The following KDM3B variants were observed in gnomAD, a reference collection of about 807,000 sequenced individuals.
The protein encoded by KDM3B is lysine demethylase 3B.
KDM3B carries 10 observed loss-of-function variants against 170.0 expected under a neutral mutation model. The ratio of observed to expected loss-of-function variants is 0.06; its 90% CI spans 0.04 to 0.10. KDM3B has a LOEUF of 0.10. Among genes scored for constraint, KDM3B ranks in the 10% least tolerant of loss-of-function variants. The pLI is 1.00. For missense variants in KDM3B, 1,394 were observed against 2,195.2 expected, an observed-to-expected ratio of 0.64 and a Z score of 7.29; for synonymous variants, 831 against 834.8, an observed-to-expected ratio of 1.00 and a Z score of 0.08.
chr5:138,380,544 T>TGTAGTG (rs1347466006), intron 5 of KDM3B, among the ~76,000 whole-genome samples: 2 of 152,030 alleles, frequency 1.3e-5, no homozygotes, highest in East Asian at 3.9e-4. Context: ...GGATATATCA[T>TGTAGTG]GACTAATCTA....
chr5:138,433,182 G>T (rs1004359257), intron 23 of KDM3B, among the ~76,000 whole-genome samples: 2 of 151,074 alleles, frequency 1.3e-5, no homozygotes, highest in African/African-American at 4.9e-5. Context: ...CATGATCTCG[G>T]CTCACTGCAA....
chr5:138,392,216 G>A lies in KDM3B; in HGVS notation c.2584G>A (p.Gly862Arg), dbSNP rs1762452792. The A allele has an allele frequency of 6.6e-7, 1 of 1,506,856 alleles. No homozygotes were observed. Among genetic ancestry groups the A allele is most frequent in the Non-Finnish European group, 8.9e-7 (1 of 1,126,276 alleles). The allele number at this position is 1,506,856 out of a possible 1,614,324, so 93.3% of individuals were successfully genotyped here. A position where few individuals can be genotyped will look rare whatever the true frequency, so the allele number is the denominator to read the frequency against. ...TGAGCTGTTGCTGGGCAAAAGCAAA[G>A]GGAAGCAGGCCCCCAAGGGCCGGCC... is the stretch of plus-strand genomic sequence containing the variant. Reference protein sequence around the residue: ...SAELLLGKSKGKQAPKGRPRT... With the variant: ...SAELLLGKSKRKQAPKGRPRT... The change falls in exon 8 of 24, where the codon GGG (glycine) becomes AGG (arginine). Residue 862 changes from glycine (G) to arginine (R), a missense_variant. Gly to Arg is a moderately radical substitution (Grantham distance 125). Transcript: ENST00000314358.
At chr5:138,376,666 T>A (rs1170048171) in intron 3 of KDM3B, among the ~76,000 whole-genome samples, 1 of 148,300 alleles carries the variant, frequency 6.7e-6, no homozygotes, top group African/African-American at 2.5e-5. Flanking sequence ...ATCGTGCCAC[T>A]GCACTCCAGC....
At chr5:138,376,167 G>C (rs1047669730) in intron 3 of KDM3B, among the ~76,000 whole-genome samples, 2 of 151,636 alleles carry the variant, frequency 1.3e-5, no homozygotes, top group East Asian at 4.0e-4. Context: ...TAGTAGAGAC[G>C]GGGTTTTGCC....
At chr5:138,427,911 C>G (rs922275058) in intron 19 of KDM3B, 56 bp from the exon 20 acceptor site, 1 of 1,555,232 alleles carries the variant, frequency 6.4e-7, no homozygotes, top group Non-Finnish European at 8.8e-7. Context: ...GTAGTGTCGA[C>G]GTGGATTCTT....
At chr5:138,363,554 T>G (rs1761669516) in intron 1 of KDM3B, among the ~76,000 whole-genome samples, 1 of 152,218 alleles carries the variant, frequency 6.6e-6, no homozygotes, top group African/African-American at 2.4e-5. Context: ...AATAATTTTT[T>G]TTTCTTTTTT....
intron 1 of KDM3B, among the ~76,000 whole-genome samples, chr5:138,361,511 C>G (rs185776469): frequency 1.3e-5 from 2 of 152,260 alleles, no homozygotes; most frequent in Admixed American, 1.3e-4. Context: ...CTGCTCTGCT[C>G]TAGAGACCAA....
chr5:138,397,189 G>A (rs527568780), intron 9 of KDM3B, among the ~76,000 whole-genome samples: 1 of 152,216 alleles, frequency 6.6e-6, no homozygotes, highest in South Asian at 2.1e-4. Flanking sequence ...AACAAAATCA[G>A]CTGGGCGTGG....
chr5:138,375,057 A>G (rs1353950309), intron 2 of KDM3B, 36 bp from the exon 3 acceptor site: 2 of 1,137,628 alleles, frequency 1.8e-6, no homozygotes, highest in Non-Finnish European at 2.7e-6. Context: ...TTTTATTCCC[A>G]AGTTCTAATC....
chr5:138,369,969 A>G (rs937413090), intron 1 of KDM3B, among the ~76,000 whole-genome samples: 2 of 152,198 alleles, frequency 1.3e-5, no homozygotes, highest in African/African-American at 4.8e-5. Flanking sequence ...ACACTAATCC[A>G]GGCCTCCTGG....
Position 138,391,762 on chromosome 5 carries a change from T to TACC in KDM3B, c.2132_2134dup (p.Thr711dup). The TACC allele has an allele frequency of 6.2e-7, 1 of 1,614,060 alleles. No individual in the cohort carries two copies. Among genetic ancestry groups the TACC allele is most frequent in the South Asian group, 1.1e-5 (1 of 91,072 alleles). On this transcript the variant is annotated inframe_insertion, in exon 8 of 24. Coordinates refer to ENST00000314358, the MANE Select transcript of KDM3B (RefSeq NM_016604.4). The surrounding 1 kb of genome is among the most constrained non-coding windows in gnomAD (Gnocchi z 5.0). ...TATCTGGTGTTCTGGGCTCAGCTCT[T>TACC]ACCAGTGGGGGCCCAAGCCTCTCTG...
intron 1 of KDM3B, among the ~76,000 whole-genome samples, chr5:138,368,398 T>A (rs1761797208): frequency 6.6e-6 from 1 of 151,714 alleles, no homozygotes; most frequent in Non-Finnish European, 1.5e-5. Context: ...ATGCCTGGTT[T>A]TTTTTTTCTA....
rs181853259 is a variant in KDM3B, at chr5:138,358,829, T to G, written c.192+5842T>G. Among the ~76,000 whole-genome samples the G allele has an allele frequency of 8.8e-4, 133 of 151,820 alleles. 4 individuals are homozygous for G. The East Asian group carries it at 0.02, about 23-fold the overall frequency. On this transcript the variant is annotated intron_variant, in intron 1 of 23. Transcript: ENST00000314358. ...TTATTATACTTTAAGTTTTAGGGTA[T>G]ATGTGCACAATGTGCAGGTTAGTTA... is the stretch of plus-strand genomic sequence containing the variant.
intron 11 of KDM3B, among the ~76,000 whole-genome samples, chr5:138,411,189 A>G (rs1762959810): frequency 6.6e-6 from 1 of 152,230 alleles, no homozygotes; most frequent in Non-Finnish European, 1.5e-5. Flanking sequence ...TGCTGGCGTC[A>G]CCGCTAGACC....
intron 1 of KDM3B, among the ~76,000 whole-genome samples, chr5:138,357,311 A>G (rs563032158): frequency 2.0e-4 from 31 of 152,098 alleles, no homozygotes; most frequent in African/African-American, 5.3e-4. Flanking sequence ...GTTTAGGATT[A>G]CTTGACTGGG....
chr5:138,410,208 A>G (rs1762926990), intron 11 of KDM3B, among the ~76,000 whole-genome samples: 1 of 152,262 alleles, frequency 6.6e-6, no homozygotes, highest in Admixed American at 6.5e-5. Context: ...GCCATTTTGT[A>G]GAAATTGACA....
intron 16 of KDM3B, 63 bp from the exon 17 acceptor site, chr5:138,425,348 C>T (rs1763367861): frequency 2.0e-5 from 30 of 1,520,744 alleles, no homozygotes; most frequent in South Asian, 1.9e-4. Flanking sequence ...CCTATTCTGT[C>T]TCAGCCCTAG....
At chr5:138,368,690 C>A (rs966793090) in intron 1 of KDM3B, among the ~76,000 whole-genome samples, 1 of 152,102 alleles carries the variant, frequency 6.6e-6, no homozygotes, top group Non-Finnish European at 1.5e-5. Flanking sequence ...ATCTACATTC[C>A]ATATTGCTCT....
At position 138,352,807 on chromosome 5, in the gene KDM3B, G is replaced by A; in HGVS notation, c.12G>A (p.Ala4=). ...GGCCGGCCCCGGCGATGGCGGACGC[G>A]GCGGCCTCCCCGGTGGGCAAGCGGC... MAD[A]AASPVGKRLL... Residue 4 remains alanine (A), a synonymous_variant, in exon 1 of 24, where the codon GCG becomes GCA. Transcript: ENST00000314358. 7.7e-7 allele frequency: 1 copy of A among 1,305,146 alleles called. No homozygotes were observed. The highest frequency in any genetic ancestry group is 9.7e-7 in the Non-Finnish European group (1 of 1,025,710). The allele number at this position is 1,305,146 out of a possible 1,614,324, so 80.8% of individuals were successfully genotyped here. A position where few individuals can be genotyped will look rare whatever the true frequency, so the allele number is the denominator to read the frequency against.
Sources: gnomAD v4.1 joint callset for allele counts (sites outside exome capture counted in the v4.1 genomes callset) on GRCh38, gnomAD v4.1.1 for gene constraint, Gnocchi (gnomAD v3.1) non-coding constraint, MANE v1.5 for transcripts, NCBI Gene and HGNC (gene_info 2026-07-23, HGNC 2026-07-21) for gene names.